STXBP5: variants seen among roughly 807,000 people sequenced by gnomAD.
STXBP5 encodes the protein syntaxin binding protein 5, also known as syntaxin-binding protein 5.
A neutral mutation model predicts 152.4 loss-of-function variants in STXBP5; 50 were observed. That is an observed-to-expected ratio of 0.33 (90% CI 0.26 to 0.42). The LOEUF is 0.42. STXBP5 is among the 10% of genes least tolerant of loss of function. STXBP5 has a pLI of 1.00. For missense variants in STXBP5, 1,167 were observed against 1,388.6 expected, an observed-to-expected ratio of 0.84 and a Z score of 2.54; for synonymous variants, 492 against 494.7, an observed-to-expected ratio of 0.99 and a Z score of 0.07.
intron 7 of STXBP5, 44 bp downstream of exon 7, chr6:147,267,211 T>C (rs1779936692): frequency 6.7e-7 from 1 of 1,488,118 alleles, no homozygotes; most frequent in Non-Finnish European, 9.1e-7. Flanking sequence ...ATTTCTCTCA[T>C]ATAAAGCAGT....
At chr6:147,379,953 A>G (rs1420358264) in intron 26 of STXBP5, among the ~76,000 whole-genome samples, 1 of 152,124 alleles carries the variant, frequency 6.6e-6, no homozygotes, top group Non-Finnish European at 1.5e-5. Flanking sequence ...ATGTACAATA[A>G]AAACTTCAAA....
At chr6:147,383,636 T>G (rs963386545) in intron 27 of STXBP5, among the ~76,000 whole-genome samples, 1 of 152,106 alleles carries the variant, frequency 6.6e-6, no homozygotes, top group Non-Finnish European at 1.5e-5. Context: ...CAGGCCTGCC[T>G]TTCCTTGGTG....
At chr6:147,205,821 G>A in intron 1 of STXBP5, 150 bp from the exon 2 acceptor site, 1 of 536,696 alleles carries the variant, frequency 1.9e-6, no homozygotes, top group Non-Finnish European at 3.4e-6. Flanking sequence ...GTTAATGTAG[G>A]TTTCACTTAT....
chr6:147,282,710 T>C (rs1181139249), intron 8 of STXBP5, among the ~76,000 whole-genome samples: 1 of 152,174 alleles, frequency 6.6e-6, no homozygotes, highest in Non-Finnish European at 1.5e-5. Context: ...TTCGACAGTA[T>C]TGGCATGGCT....
At chr6:147,283,166 A>T (rs1780780860) in intron 8 of STXBP5, among the ~76,000 whole-genome samples, 1 of 152,208 alleles carries the variant, frequency 6.6e-6, no homozygotes, top group Non-Finnish European at 1.5e-5. Flanking sequence ...CTTATTCATC[A>T]ATGTAATCAA....
intron 9 of STXBP5, among the ~76,000 whole-genome samples, chr6:147,295,295 A>G (rs80291883): frequency 6.6e-6 from 1 of 152,298 alleles, no homozygotes; most frequent in Non-Finnish European, 1.5e-5. Context: ...TGAGCTACAG[A>G]GCATTAGAAG....
At chr6:147,261,622 A>G (rs1404675019) in intron 5 of STXBP5, among the ~76,000 whole-genome samples, 2 of 151,978 alleles carry the variant, frequency 1.3e-5, no homozygotes, top group African/African-American at 2.4e-5. Context: ...CAAGAATATT[A>G]TCATATATCA....
intron 4 of STXBP5, among the ~76,000 whole-genome samples, chr6:147,242,093 T>G (rs2115223801): frequency 6.6e-6 from 1 of 151,852 alleles, no homozygotes; most frequent in South Asian, 2.1e-4. Context: ...GGACAAGATC[T>G]AGAGGTGGAA....
chr6:147,260,589 T>A, intron 4 of STXBP5, 26 bp from the exon 5 acceptor site: 1 of 1,613,244 alleles, frequency 6.2e-7, no homozygotes, highest in Middle Eastern at 1.7e-4. Flanking sequence ...TCAAATTTCT[T>A]TTTTGAGTAT....
intron 4 of STXBP5, among the ~76,000 whole-genome samples, chr6:147,255,128 A>G (rs907708887): frequency 6.6e-6 from 1 of 152,258 alleles, no homozygotes; most frequent in Admixed American, 6.5e-5. Context: ...CTGGAATACC[A>G]TGCAGCCGTA....
At position 147,388,595 on chromosome 6, in the gene STXBP5, A is replaced by G. The variant is rs1786447159; in HGVS notation, c.*3840A>G. The G allele has an allele frequency of 6.6e-6, 1 of 151,418 alleles. No homozygotes were observed. Among genetic ancestry groups the G allele is most frequent in the Non-Finnish European group, 1.5e-5 (1 of 67,574 alleles). The allele number at this position is 151,418 out of a possible 1,614,324, so 9.4% of individuals were successfully genotyped here. On this transcript the variant is annotated 3_prime_UTR_variant, in exon 28 of 28. Coordinates refer to ENST00000321680, the MANE Select transcript of STXBP5 (RefSeq NM_001127715.4). ...AGAAATACTGGTATCTCATATCGAGATACAATTAATTTTAAAAAATCATAC... is the reference window on the plus strand; with the variant it reads ...AGAAATACTGGTATCTCATATCGAGGTACAATTAATTTTAAAAAATCATAC...
chr6:147,231,931 T>C (rs1778026569), intron 2 of STXBP5, among the ~76,000 whole-genome samples: 1 of 151,892 alleles, frequency 6.6e-6, no homozygotes, highest in Admixed American at 6.6e-5. Context: ...ATAAATTCAA[T>C]GTTGACATTT....
chr6:147,359,795 AT>A (rs1204030085), intron 23 of STXBP5, among the ~76,000 whole-genome samples: 1 of 151,878 alleles, frequency 6.6e-6, no homozygotes, highest in Non-Finnish European at 1.5e-5. Flanking sequence ...TGAACTCATC[AT>A]TTTTTATGGC....
chr6:147,367,594 C>T (rs1242205729), intron 25 of STXBP5, among the ~76,000 whole-genome samples: 4 of 151,998 alleles, frequency 2.6e-5, no homozygotes, highest in Non-Finnish European at 4.4e-5. Flanking sequence ...GCTGAGATCA[C>T]GCCACTACAC....
intron 27 of STXBP5, among the ~76,000 whole-genome samples, chr6:147,383,864 C>T (rs1786216342): frequency 6.6e-6 from 1 of 151,894 alleles, no homozygotes; most frequent in South Asian, 2.1e-4. Flanking sequence ...CTGGAAGATA[C>T]TTGTCTAGGG....
chr6:147,325,102 T>A lies in STXBP5; in HGVS notation c.1928+18T>A, dbSNP rs758052204. 2.3e-5 allele frequency: 34 copies of A among 1,481,656 alleles called. No individual in the cohort carries two copies. The highest frequency in any genetic ancestry group is 3.1e-5 in the Non-Finnish European group (34 of 1,107,608). 91.8% of individuals were successfully genotyped at this position (1,481,656 alleles called of 1,614,324 possible). A position where few individuals can be genotyped will look rare whatever the true frequency, so the allele number is the denominator to read the frequency against. The stretch of plus-strand genomic sequence containing the variant: ...TATGGACTGTAAGTATAAGTTACGT[T>A]TTTTTCTAAGTCTCTTCATAGTATT... On this transcript the variant is annotated intron_variant, in intron 17 of 27. Coordinates refer to ENST00000321680, the MANE Select transcript of STXBP5 (RefSeq NM_001127715.4).
At chr6:147,363,155 C>T (rs1053257927) in intron 23 of STXBP5, among the ~76,000 whole-genome samples, 180 bp from the exon 24 acceptor site, 5 of 152,194 alleles carry the variant, frequency 3.3e-5, no homozygotes, top group Non-Finnish European at 7.3e-5. Flanking sequence ...TGTAAGTTGA[C>T]ATCTTTTTCC....
chr6:147,306,114 T>C (rs1782079367), intron 9 of STXBP5, among the ~76,000 whole-genome samples: 1 of 152,152 alleles, frequency 6.6e-6, no homozygotes, highest in African/African-American at 2.4e-5. Context: ...TCTGGCCATG[T>C]GTGGGAAGCA....
intron 7 of STXBP5, among the ~76,000 whole-genome samples, chr6:147,271,999 C>A (rs1264178337): frequency 6.6e-6 from 1 of 152,070 alleles, no homozygotes; most frequent in Non-Finnish European, 1.5e-5. Flanking sequence ...GCCAATAAAT[C>A]CAGCAATTTA....
Sources: gnomAD v4.1 joint callset for allele counts (sites outside exome capture counted in the v4.1 genomes callset) on GRCh38, gnomAD v4.1.1 for gene constraint, MANE v1.5 for transcripts, NCBI Gene and HGNC (gene_info 2026-07-23, HGNC 2026-07-21) for gene names.